Variants in RALGAPA2 observed in about 807,000 individuals in gnomAD.
The protein encoded by RALGAPA2 is Ral GTPase activating protein catalytic subunit alpha 2.
RALGAPA2 carries 139 observed loss-of-function variants against 230.4 expected under a neutral mutation model. The ratio of observed to expected loss-of-function variants is 0.60; its 90% CI spans 0.53 to 0.69. The LOEUF is 0.69. Ranked by LOEUF, RALGAPA2 falls within the 30% of genes least tolerant of loss-of-function variation. RALGAPA2 has a pLI of 0.00. For missense variants in RALGAPA2, 2,163 were observed against 2,276.0 expected, an observed-to-expected ratio of 0.95 and a Z score of 1.01; for synonymous variants, 847 against 837.8, an observed-to-expected ratio of 1.01 and a Z score of -0.19.
intron 15 of RALGAPA2, among the ~76,000 whole-genome samples, chr20:20,604,652 CT>C (rs2065762581): frequency 6.6e-6 from 1 of 151,990 alleles, no homozygotes; most frequent in Non-Finnish European, 1.5e-5. Flanking sequence ...AATTCGTAAA[CT>C]TTCTTAAAAC....
chr20:20,707,935 T>C (rs1236972149), intron 1 of RALGAPA2, among the ~76,000 whole-genome samples: 1 of 152,164 alleles, frequency 6.6e-6, no homozygotes, highest in Non-Finnish European at 1.5e-5. Context: ...TTCCCCTGGT[T>C]GTAATTGACC....
chr20:20,589,856 A>G (rs2065235531), intron 17 of RALGAPA2, among the ~76,000 whole-genome samples: 1 of 151,958 alleles, frequency 6.6e-6, no homozygotes, highest in Non-Finnish European at 1.5e-5. Flanking sequence ...AGAGGATTTT[A>G]TGAATAATCT....
chr20:20,478,910 C>T (rs981787974), intron 36 of RALGAPA2, among the ~76,000 whole-genome samples: 1 of 150,200 alleles, frequency 6.7e-6, no homozygotes, highest in Admixed American at 6.6e-5. Flanking sequence ...ATACAATTGA[C>T]AGGTCTTTGG....
intron 37 of RALGAPA2, among the ~76,000 whole-genome samples, chr20:20,423,048 GACAATGCAGGGGAGGAAGCGGC>G (rs2060310696): frequency 6.6e-6 from 1 of 152,210 alleles, no homozygotes; most frequent in Non-Finnish European, 1.5e-5. Flanking sequence ...GGGGCAGGGA[GACAATGCAGGGGAGGAAGCGGC>G]ACAATGCAGG....
chr20:20,533,937 G>A (rs907033614), intron 26 of RALGAPA2, among the ~76,000 whole-genome samples: 1 of 152,102 alleles, frequency 6.6e-6, no homozygotes, highest in African/African-American at 2.4e-5. Context: ...AGGTAAGATT[G>A]TAAAGAAAGT....
intron 37 of RALGAPA2, among the ~76,000 whole-genome samples, chr20:20,433,954 G>C (rs2060552758): frequency 6.6e-6 from 1 of 152,196 alleles, no homozygotes; most frequent in Admixed American, 6.5e-5. Flanking sequence ...CAGCCATGTA[G>C]ATGAAGGTTT....
At chr20:20,592,269 A>G (rs918228865) in intron 16 of RALGAPA2, among the ~76,000 whole-genome samples, 4 of 152,214 alleles carry the variant, frequency 2.6e-5, no homozygotes, top group Admixed American at 2.6e-4. Context: ...AGATTCGTCA[A>G]ACATCCTAGT....
In RALGAPA2 at chr20:20,553,552, A is replaced by T. The variant is rs1003195946; in HGVS notation, c.3157-6720T>A. On this transcript the variant is annotated intron_variant, in intron 23 of 39. Transcript: ENST00000202677. ...AGGCAACAGAGAGCGAATCTATCTT[A>T]AAAAAAAACAAAACAAAACAAAACA... is the stretch of plus-strand genomic sequence containing the variant. Among the ~76,000 whole-genome samples the T allele has an allele frequency of 3.7e-5, 5 of 135,124 alleles. No individual in the cohort carries two copies. The South Asian group carries it at 9.5e-4, about 26-fold the overall frequency. The allele number at this position is 135,124 out of a possible 152,430, so 88.6% of individuals were successfully genotyped here. A position where few individuals can be genotyped will look rare whatever the true frequency, so the allele number is the denominator to read the frequency against.
At chr20:20,611,493 C>T (rs2065974423) in intron 13 of RALGAPA2, 67 bp from the exon 14 acceptor site, 1 of 1,526,742 alleles carries the variant, frequency 6.5e-7, no homozygotes, top group Non-Finnish European at 8.8e-7. Flanking sequence ...TTTATAGGTA[C>T]CAGAAATTCT....
chr20:20,543,051 A>AT (rs571127285), intron 24 of RALGAPA2, among the ~76,000 whole-genome samples: 2,742 of 145,650 alleles, frequency 0.019, 74 homozygotes, highest in African/African-American at 0.064. Context: ...AACTTAAACC[A>AT]TTTTTTTTTT....
intron 24 of RALGAPA2, among the ~76,000 whole-genome samples, chr20:20,542,515 C>T (rs111653950): frequency 0.093 from 14,091 of 152,154 alleles, 744 homozygotes; most frequent in Middle Eastern, 0.15. Flanking sequence ...AACTCTACTA[C>T]AAGGATATAG....
chr20:20,637,242 G>T, intron 8 of RALGAPA2, 121 bp downstream of exon 8: 1 of 797,138 alleles, frequency 1.3e-6, no homozygotes, highest in Non-Finnish European at 1.8e-6. Context: ...TAATAATAAA[G>T]TTACCATTCA....
At chr20:20,405,303 G>T (rs1267715446) in intron 38 of RALGAPA2, among the ~76,000 whole-genome samples, 9 of 152,078 alleles carry the variant, frequency 5.9e-5, no homozygotes, top group Admixed American at 5.9e-4. Flanking sequence ...CATTTTTTTT[G>T]TGTGTGGCTC....
chr20:20,591,311 A>G lies in RALGAPA2; in HGVS notation c.2207T>C (p.Val736Ala). The G allele has an allele frequency of 6.2e-7, 1 of 1,613,016 alleles. No homozygotes were observed. Among genetic ancestry groups the G allele is most frequent in the Non-Finnish European group, 8.5e-7 (1 of 1,179,342 alleles). Residue 736 changes from valine (V) to alanine (A), a missense_variant, in exon 17 of 40, where the codon GTG becomes GCG. By Grantham distance (64) the Val-to-Ala change is moderately conservative. Coordinates refer to ENST00000202677, the MANE Select transcript of RALGAPA2 (RefSeq NM_020343.4). ...RNIVRQKATE[V>A]EECQQSENAP... ...ATTTTCTGACTGTTGACACTCCTCC[A>G]CTTCTGTGAGCATTAACAAAACATG... is the stretch of plus-strand genomic sequence containing the variant.
intron 38 of RALGAPA2, among the ~76,000 whole-genome samples, chr20:20,411,417 T>G (rs1180877918): frequency 1.3e-5 from 2 of 152,164 alleles, no homozygotes; most frequent in Non-Finnish European, 1.5e-5. Flanking sequence ...TATGGAAACT[T>G]TCACAATTTT....
At chr20:20,445,691 T>C (rs1415900480) in intron 37 of RALGAPA2, among the ~76,000 whole-genome samples, 1 of 152,238 alleles carries the variant, frequency 6.6e-6, no homozygotes, top group African/African-American at 2.4e-5. Flanking sequence ...AAACTTCTGA[T>C]TAATGGTCAA....
chr20:20,666,263 A>G (rs1031673628), intron 3 of RALGAPA2, among the ~76,000 whole-genome samples: 2 of 152,196 alleles, frequency 1.3e-5, no homozygotes, highest in Non-Finnish European at 2.9e-5. Context: ...ATCTGAATTG[A>G]TAGTGGCTTT....
chr20:20,473,007 T>G, intron 36 of RALGAPA2, 51 bp from the exon 37 acceptor site: 1 of 1,546,946 alleles, frequency 6.5e-7, no homozygotes, highest in South Asian at 1.2e-5. Context: ...AAAAGTCAAA[T>G]CAAAGATATG....
chr20:20,453,229 G>A (rs1323900416), intron 37 of RALGAPA2, among the ~76,000 whole-genome samples: 2 of 152,220 alleles, frequency 1.3e-5, no homozygotes, highest in African/African-American at 4.8e-5. Flanking sequence ...GTAAACAGAT[G>A]TCTCTCCAGG....
Sources: allele counts gnomAD v4.1 joint callset (sites outside exome capture counted in the v4.1 genomes callset), GRCh38; gene constraint gnomAD v4.1.1; transcripts MANE v1.5; gene names NCBI Gene and HGNC (gene_info 2026-07-23, HGNC 2026-07-21).